The following CTNNA3 variants were observed in gnomAD, a reference collection of about 807,000 sequenced individuals.
CTNNA3 encodes the protein catenin alpha 3, also known as catenin alpha-3.
Under a neutral mutation model 95.7 loss-of-function variants are expected in CTNNA3, and 76 were observed. The ratio of observed to expected loss-of-function variants is 0.79; its 90% CI spans 0.66 to 0.96. The LOEUF (loss-of-function observed/expected upper bound fraction) is 0.96, where lower values mean the gene tolerates loss of function less well. Ranked by LOEUF, CTNNA3 falls within the 40% of genes least tolerant of loss-of-function variation. The pLI is 0.00. For missense variants in CTNNA3, 1,191 were observed against 1,089.8 expected (o/e 1.09, Z -1.31); for synonymous variants, 431 against 374.4 (o/e 1.15, Z -1.74).
At chr10:66,543,014 G>C (rs1272321075) in intron 10 of CTNNA3, among the ~76,000 whole-genome samples, 3 of 151,728 alleles carry the variant, frequency 2.0e-5, no homozygotes, top group African/African-American at 7.3e-5. Context: ...GCTTAAAAAG[G>C]CTACAGTATT....
chr10:66,168,701 G>C (rs930310032), intron 13 of CTNNA3, among the ~76,000 whole-genome samples: 1 of 152,092 alleles, frequency 6.6e-6, no homozygotes, highest in African/African-American at 2.4e-5. Context: ...GTACTTACTA[G>C]TAACTGCAAT....
intron 5 of CTNNA3, among the ~76,000 whole-genome samples, chr10:67,337,303 T>A (rs894158104): frequency 6.6e-6 from 1 of 152,052 alleles, no homozygotes; most frequent in Non-Finnish European, 1.5e-5. Context: ...TAACAGTAAA[T>A]GTAAGAGAAA....
chr10:67,053,998 C>A (rs748264253), intron 7 of CTNNA3, among the ~76,000 whole-genome samples: 4 of 152,254 alleles, frequency 2.6e-5, no homozygotes, highest in Non-Finnish European at 5.9e-5. Context: ...CCCTCCCCTA[C>A]ACGATATCTC....
At chr10:67,418,558 G>C (rs1845625143) in intron 5 of CTNNA3, among the ~76,000 whole-genome samples, 1 of 151,144 alleles carries the variant, frequency 6.6e-6, no homozygotes, top group African/African-American at 2.4e-5. Flanking sequence ...CAACATGGGT[G>C]AACTTCAAGC....
intron 5 of CTNNA3, among the ~76,000 whole-genome samples, chr10:67,347,624 TA>T (rs1332482469): frequency 1.3e-5 from 2 of 152,140 alleles, no homozygotes; most frequent in African/African-American, 4.8e-5. Context: ...TTAGGATGGA[TA>T]GTAAAGTTGA....
At chr10:66,799,613 T>G (rs1041799576) in intron 7 of CTNNA3, among the ~76,000 whole-genome samples, 5 of 151,458 alleles carry the variant, frequency 3.3e-5, no homozygotes, top group Admixed American at 2.6e-4. Flanking sequence ...TAGAGAAATG[T>G]GGGACACGGT....
chr10:67,165,930 A>C (rs1277485867), intron 7 of CTNNA3, among the ~76,000 whole-genome samples: 1 of 152,232 alleles, frequency 6.6e-6, no homozygotes, highest in East Asian at 1.9e-4. Flanking sequence ...AGTGATTATC[A>C]TATCTCTGCT....
chr10:66,144,887 A>G (rs1386418809), intron 13 of CTNNA3, among the ~76,000 whole-genome samples: 7 of 152,194 alleles, frequency 4.6e-5, no homozygotes. Context: ...CTTCTATTCC[A>G]GTATCCACTC....
intron 7 of CTNNA3, among the ~76,000 whole-genome samples, chr10:67,030,869 T>C (rs915746602): frequency 2.6e-5 from 4 of 152,094 alleles, no homozygotes; most frequent in African/African-American, 7.2e-5. Flanking sequence ...CCAGGTGTGG[T>C]GGCGGGAGTC....
intron 6 of CTNNA3, among the ~76,000 whole-genome samples, chr10:67,218,758 T>A (rs1864506885): frequency 6.6e-6 from 1 of 152,226 alleles, no homozygotes; most frequent in Non-Finnish European, 1.5e-5. Context: ...GTGGTTCATG[T>A]AAAGTGTATA....
intron 1 of CTNNA3, among the ~76,000 whole-genome samples, chr10:67,740,587 T>C (rs1841330632): frequency 6.6e-6 from 1 of 151,364 alleles, no homozygotes; most frequent in African/African-American, 2.4e-5. Flanking sequence ...ATCACAGAAA[T>C]GCAAATCAAA....
At chr10:67,561,927 A>G (rs1246994348) in intron 3 of CTNNA3, among the ~76,000 whole-genome samples, 1 of 152,196 alleles carries the variant, frequency 6.6e-6, no homozygotes, top group African/African-American at 2.4e-5. Flanking sequence ...CACCCTCCCA[A>G]GACTAAACCA....
At chr10:66,441,985 A>G (rs1490067734) in intron 11 of CTNNA3, among the ~76,000 whole-genome samples, 3 of 152,186 alleles carry the variant, frequency 2.0e-5, no homozygotes, top group Non-Finnish European at 4.4e-5. Flanking sequence ...AATTATTCAC[A>G]CTGAAACTAC....
At chr10:66,020,901 C>T (rs2079191225) in intron 15 of CTNNA3, among the ~76,000 whole-genome samples, 1 of 151,952 alleles carries the variant, frequency 6.6e-6, no homozygotes, top group Admixed American at 6.6e-5. Flanking sequence ...TCTCGATCTC[C>T]TGACCTCATG....
At chr10:66,343,655 G>T (rs1309530978) in intron 12 of CTNNA3, among the ~76,000 whole-genome samples, 1 of 151,904 alleles carries the variant, frequency 6.6e-6, no homozygotes, top group Non-Finnish European at 1.5e-5. Flanking sequence ...AAGTTCTAGT[G>T]CTCTATACCA....
intron 9 of CTNNA3, among the ~76,000 whole-genome samples, chr10:66,695,016 A>G (rs1308658734): frequency 1.3e-5 from 2 of 152,172 alleles, no homozygotes; most frequent in Non-Finnish European, 2.9e-5. Flanking sequence ...ACATTTGGCT[A>G]TTTACTAACT....
intron 12 of CTNNA3, among the ~76,000 whole-genome samples, chr10:66,341,405 G>A (rs1256910848): frequency 6.6e-6 from 1 of 151,814 alleles, no homozygotes; most frequent in Non-Finnish European, 1.5e-5. Context: ...CTTTGACTAA[G>A]CTCATTTCAA....
chr10:67,373,381 C>T lies in CTNNA3; in HGVS notation c.579+148461G>A, dbSNP rs181526710. Among the ~76,000 whole-genome samples, 300 of 152,194 alleles carry T rather than the reference C, an allele frequency of 2.0e-3. 1 individual carries two copies. Among genetic ancestry groups the T allele is most frequent in the Non-Finnish European group, 3.5e-3 (237 of 67,994 alleles). On this transcript the variant is annotated intron_variant, in intron 5 of 17. Transcript: ENST00000433211. The stretch of plus-strand genomic sequence containing the variant: ...TAAAGATCAAAAGAGACAAAGAAGG[C>T]CATTACATAATTGTAGAGGGATAAA...
intron 5 of CTNNA3, among the ~76,000 whole-genome samples, chr10:67,514,247 C>G (rs1839736192): frequency 6.6e-6 from 1 of 152,170 alleles, no homozygotes; most frequent in Non-Finnish European, 1.5e-5. Flanking sequence ...TTGCACTGAG[C>G]TGAGATTGTG....
Sources: gnomAD v4.1 joint callset for allele counts (sites outside exome capture counted in the v4.1 genomes callset) on GRCh38, gnomAD v4.1.1 for gene constraint, MANE v1.5 for transcripts, NCBI Gene and HGNC (gene_info 2026-07-23, HGNC 2026-07-21) for gene names.